The following UBR1 variants were observed in gnomAD, a reference collection of about 807,000 sequenced individuals.
The protein encoded by UBR1 is E3 ubiquitin-protein ligase UBR1.
In UBR1, 102 loss-of-function variants were observed where a neutral mutation model predicts 242.1. The ratio of observed to expected loss-of-function variants is 0.42; its 90% CI spans 0.36 to 0.50. The LOEUF (loss-of-function observed/expected upper bound fraction) is 0.50. Ranked by LOEUF, UBR1 falls within the 20% of genes least tolerant of loss-of-function variation. The probability of loss-of-function intolerance (pLI) is 0.01; values close to 1 mark genes in which losing one functional copy is unlikely to be tolerated. For missense variants in UBR1, 1,772 were observed against 2,101.8 expected (o/e 0.84, Z 3.07); for synonymous variants, 675 against 684.8 (o/e 0.99, Z 0.22).
chr15:43,058,274 T>C, intron 10 of UBR1, 67 bp downstream of exon 10: 1 of 1,005,260 alleles, frequency 9.9e-7, no homozygotes, highest in Non-Finnish European at 1.5e-6. Flanking sequence ...ATTATCCCTG[T>C]TTCTATTAAT....
chr15:43,038,800 G>A (rs866025796), intron 15 of UBR1, among the ~76,000 whole-genome samples: 6 of 151,904 alleles, frequency 3.9e-5, no homozygotes, highest in East Asian at 3.8e-4. Context: ...CTTTAGCCAC[G>A]TATCAAAAGA....
At chr15:43,061,919 A>G (rs924921958) in intron 6 of UBR1, among the ~76,000 whole-genome samples, 3 of 152,132 alleles carry the variant, frequency 2.0e-5, no homozygotes, top group African/African-American at 4.8e-5. Context: ...GAACTTGCTC[A>G]TGTAACCAAA....
chr15:42,964,098 T>C (rs1324405735), intron 41 of UBR1, 55 bp from the exon 42 acceptor site: 1 of 1,204,542 alleles, frequency 8.3e-7, no homozygotes, highest in African/African-American at 1.5e-5. Context: ...CTGGTCAATC[T>C]GTGCATTAGA....
intron 1 of UBR1, among the ~76,000 whole-genome samples, chr15:43,099,880 C>CT (rs78614852): frequency 0.064 from 9,120 of 142,874 alleles, 396 homozygotes; most frequent in African/African-American, 0.13. Context: ...AGAGGTGCCT[C>CT]TTTTTTTTTT....
chr15:43,017,006 A>C (rs145814094), intron 28 of UBR1, 89 bp downstream of exon 28: 1 of 984,176 alleles, frequency 1.0e-6, no homozygotes, highest in East Asian at 2.5e-5. Flanking sequence ...GGTTTCTCCT[A>C]ACAAAAAAGC....
intron 21 of UBR1, 152 bp from the exon 22 acceptor site, chr15:43,027,980 C>T: frequency 2.8e-6 from 2 of 713,402 alleles, no homozygotes; most frequent in South Asian, 3.4e-5. Flanking sequence ...GGTCTAAAAC[C>T]AATTATCTAC....
At chr15:43,103,827 C>T (rs979774556) in intron 1 of UBR1, among the ~76,000 whole-genome samples, 23 of 152,150 alleles carry the variant, frequency 1.5e-4, no homozygotes, top group African/African-American at 5.6e-4. Context: ...GTAGGGGGAA[C>T]AACTGAGCTT....
intron 32 of UBR1, among the ~76,000 whole-genome samples, chr15:43,002,020 G>T (rs8042481): frequency 0.79 from 119,804 of 152,096 alleles, 48,580 homozygotes; most frequent in Non-Finnish European, 0.89. Flanking sequence ...TACTTCAATG[G>T]CTGCTGGAAA....
chr15:43,018,875 G>C (rs2033065444), intron 27 of UBR1, among the ~76,000 whole-genome samples: 1 of 152,080 alleles, frequency 6.6e-6, no homozygotes, highest in Non-Finnish European at 1.5e-5. Context: ...TGAATTTTCA[G>C]GACTAGATCT....
intron 29 of UBR1, 39 bp downstream of exon 29, chr15:43,015,649 A>G: frequency 3.1e-6 from 5 of 1,608,216 alleles, no homozygotes; most frequent in Non-Finnish European, 4.2e-6. Context: ...TTTAAAAAAA[A>G]AAAATTGAGT....
intron 35 of UBR1, among the ~76,000 whole-genome samples, chr15:42,987,624 G>A (rs1375891138): frequency 7.0e-6 from 1 of 142,888 alleles, no homozygotes; most frequent in South Asian, 2.2e-4. Context: ...TGAGGCAGGA[G>A]AATTGCTTGA....
intron 43 of UBR1, among the ~76,000 whole-genome samples, chr15:42,959,028 G>A (rs1056462859): frequency 6.6e-6 from 1 of 151,796 alleles, no homozygotes; most frequent in African/African-American, 2.4e-5. Flanking sequence ...ACGGGGTTTC[G>A]TCATGTTGGT....
chr15:43,103,104 G>A (rs761658521), intron 1 of UBR1, among the ~76,000 whole-genome samples: 6 of 152,230 alleles, frequency 3.9e-5, no homozygotes, highest in Non-Finnish European at 5.9e-5. Flanking sequence ...GGAGGTGGAA[G>A]TTATAGTGAG....
rs2033182141 is a variant in UBR1, at chr15:43,026,676, A to G, written c.2433-13T>C. Reference sequence around the variant, plus strand: ...TACACCTGGTTTCCTAAATAGATGGAAAATACAAGATGAACTGCAGTGTTC... The same window carrying G: ...TACACCTGGTTTCCTAAATAGATGGGAAATACAAGATGAACTGCAGTGTTC... On this transcript the variant is annotated splice_polypyrimidine_tract_variant and intron_variant, in intron 22 of 46. Coordinates refer to ENST00000290650, the MANE Select transcript of UBR1 (RefSeq NM_174916.3). The G allele has an allele frequency of 6.3e-7, 1 of 1,597,684 alleles. No homozygotes were observed. Among genetic ancestry groups the G allele is most frequent in the Non-Finnish European group, 8.6e-7 (1 of 1,166,600 alleles).
intron 33 of UBR1, among the ~76,000 whole-genome samples, chr15:42,990,956 T>A (rs1307050678): frequency 6.6e-6 from 1 of 152,132 alleles, no homozygotes; most frequent in African/African-American, 2.4e-5. Context: ...CTTTCAAGAT[T>A]TTTAATCTTT....
At chr15:42,953,987 ATCT>A (rs2031876756) in intron 44 of UBR1, among the ~76,000 whole-genome samples, 2 of 149,306 alleles carry the variant, frequency 1.3e-5, no homozygotes, top group Non-Finnish European at 3.0e-5. Flanking sequence ...GGCTCAAGTG[ATCT>A]TCTCTCCTCA....
At chr15:42,952,509 C>T in intron 44 of UBR1, 61 bp from the exon 45 acceptor site, 3 of 1,563,718 alleles carry the variant, frequency 1.9e-6, no homozygotes, top group Non-Finnish European at 2.6e-6. Context: ...AAATAAGTAC[C>T]ATATATCCTG....
At chr15:43,032,804 TC>T (rs2033274074) in intron 19 of UBR1, among the ~76,000 whole-genome samples, 173 bp from the exon 20 acceptor site, 1 of 152,198 alleles carries the variant, frequency 6.6e-6, no homozygotes. Context: ...TTTTTTGACA[TC>T]AAATTCAACA....
intron 26 of UBR1, among the ~76,000 whole-genome samples, 161 bp downstream of exon 26, chr15:43,022,541 C>G (rs2033123734): frequency 6.6e-6 from 1 of 151,390 alleles, no homozygotes; most frequent in African/African-American, 2.4e-5. Flanking sequence ...TAGTTACAAA[C>G]TAAGAATGCT....
Sources: gnomAD v4.1 joint callset for allele counts (sites outside exome capture counted in the v4.1 genomes callset) on GRCh38, gnomAD v4.1.1 for gene constraint, MANE v1.5 for transcripts, NCBI Gene and HGNC (gene_info 2026-07-23, HGNC 2026-07-21) for gene names.